Variants in ANKRD6 observed in about 807,000 individuals in gnomAD.
ANKRD6 encodes ankyrin repeat domain-containing protein 6.
A neutral mutation model predicts 82.3 loss-of-function variants in ANKRD6; 56 were observed. The ratio of observed to expected loss-of-function variants is 0.68; its 90% CI spans 0.55 to 0.85. The LOEUF (loss-of-function observed/expected upper bound fraction) is 0.85, where lower values mean the gene tolerates loss of function less well. Among genes scored for constraint, ANKRD6 ranks in the 40% least tolerant of loss-of-function variants. The probability of loss-of-function intolerance (pLI) is 0.00; values close to 1 mark genes in which losing one functional copy is unlikely to be tolerated. For synonymous variants in ANKRD6, 347 were observed against 352.1 expected (o/e 0.99, Z 0.16); for missense variants, 852 against 907.6 (o/e 0.94, Z 0.79).
chr6:89,530,756 G>T (rs547530764), intron 1 of ANKRD6, among the ~76,000 whole-genome samples: 2 of 152,348 alleles, frequency 1.3e-5, no homozygotes, highest in Admixed American at 1.3e-4. Flanking sequence ...TGTTCCGGGA[G>T]AAATGGAGAA....
intron 1 of ANKRD6, among the ~76,000 whole-genome samples, chr6:89,545,898 G>A (rs1057042913): frequency 1.3e-5 from 2 of 152,034 alleles, no homozygotes; most frequent in Non-Finnish European, 2.9e-5. Flanking sequence ...TCTTCCTCTC[G>A]GGTTCACATC....
chr6:89,603,767 C>T (rs536361434), intron 4 of ANKRD6, among the ~76,000 whole-genome samples: 3 of 152,264 alleles, frequency 2.0e-5, no homozygotes, highest in East Asian at 1.9e-4. Flanking sequence ...GGGAGGATTG[C>T]TCGAGGCCAG....
At position 89,542,649 on chromosome 6, in the gene ANKRD6, A is replaced by G. The variant is rs539748293; in HGVS notation, c.-143-24185A>G. 2.6e-5 allele frequency among the ~76,000 whole-genome samples: 4 copies of G among 152,336 alleles called. No individual in the cohort carries two copies. The South Asian group carries it at 8.3e-4, about 32-fold the overall frequency. ...AGCTCTCACCAACTGGTTAATGAGT[A>G]TCTACTCTTTGCAAAACACGGTGAA... On this transcript the variant is annotated intron_variant, in intron 1 of 15. Transcript: ENST00000339746.
intron 2 of ANKRD6, among the ~76,000 whole-genome samples, chr6:89,592,877 C>T (rs1795171272): frequency 6.6e-6 from 1 of 152,076 alleles, no homozygotes; most frequent in Admixed American, 6.5e-5. Context: ...TCACTTGAGA[C>T]CAGCCTGGCC....
At chr6:89,622,113 G>T in intron 10 of ANKRD6, 87 bp downstream of exon 10, 1 of 1,223,110 alleles carries the variant, frequency 8.2e-7, no homozygotes. Context: ...GGTTCACCTG[G>T]TGGCTGCCCG....
At chr6:89,455,211 A>T (rs915342165) in intron 1 of ANKRD6, among the ~76,000 whole-genome samples, 30 of 150,298 alleles carry the variant, frequency 2.0e-4, no homozygotes, top group African/African-American at 7.4e-4. Context: ...TTGCATTGCT[A>T]TACAGAAATA....
At chr6:89,593,690 A>C (rs1422074026) in intron 2 of ANKRD6, among the ~76,000 whole-genome samples, 1 of 152,236 alleles carries the variant, frequency 6.6e-6, no homozygotes, top group East Asian at 1.9e-4. Context: ...TAGAGTATCA[A>C]TAAAGGCCTT....
intron 2 of ANKRD6, among the ~76,000 whole-genome samples, chr6:89,586,073 CAAG>C (rs906236085): frequency 2.6e-5 from 4 of 152,108 alleles, no homozygotes; most frequent in Non-Finnish European, 5.9e-5. Context: ...TCAATAAGAA[CAAG>C]AAACACCAAT....
chr6:89,488,494 G>A (rs763767738), intron 1 of ANKRD6, among the ~76,000 whole-genome samples: 1 of 152,046 alleles, frequency 6.6e-6, no homozygotes, highest in African/African-American at 2.4e-5. Flanking sequence ...TATGAGGGAG[G>A]CATCCAGCTG....
intron 1 of ANKRD6, among the ~76,000 whole-genome samples, chr6:89,536,454 T>C (rs534069565): frequency 3.9e-5 from 6 of 152,364 alleles, no homozygotes; most frequent in African/African-American, 1.4e-4. Context: ...AAGTGTGTGC[T>C]GCCATGAACT....
intron 15 of ANKRD6, 41 bp from the exon 16 acceptor site, chr6:89,630,392 A>T (rs767946274): frequency 2.5e-6 from 4 of 1,576,288 alleles, no homozygotes; most frequent in Non-Finnish European, 3.4e-6. Flanking sequence ...GACTGTGTGA[A>T]TGTGGATTTG....
chr6:89,621,803 C>T, intron 9 of ANKRD6, 119 bp from the exon 10 acceptor site: 2 of 975,798 alleles, frequency 2.0e-6, no homozygotes, highest in Non-Finnish European at 1.6e-6. Context: ...ATGTGAACAC[C>T]TGCTCTCACC....
At chr6:89,556,237 C>G (rs901021373) in intron 1 of ANKRD6, among the ~76,000 whole-genome samples, 2 of 152,252 alleles carry the variant, frequency 1.3e-5, no homozygotes, top group African/African-American at 4.8e-5. Context: ...TCTTCTAACA[C>G]TGACACAACA....
chr6:89,493,809 A>G lies in ANKRD6; in HGVS notation c.-144+60434A>G, dbSNP rs545367865. Among the ~76,000 whole-genome samples, 9 of 152,128 alleles carry G rather than the reference A, an allele frequency of 5.9e-5. No individual in the cohort carries two copies. In the South Asian group the frequency reaches 1.2e-3, roughly 21 times the overall value. On this transcript the variant is annotated intron_variant, in intron 1 of 15. Coordinates refer to ENST00000339746, the MANE Select transcript of ANKRD6 (RefSeq NM_001242809.2). ...TCCTCACAGAATCCTTAATTTAACC[A>G]CATTTCGGGGGGTTATATAAGGTGA...
chr6:89,606,720 G>T (rs1183304863), intron 5 of ANKRD6, among the ~76,000 whole-genome samples: 1 of 152,060 alleles, frequency 6.6e-6, no homozygotes, highest in Non-Finnish European at 1.5e-5. Context: ...TCCGGGAATG[G>T]TGGCTCATGC....
chr6:89,598,189 A>C (rs1340794746), intron 3 of ANKRD6: 1 of 985,346 alleles, frequency 1.0e-6, no homozygotes, highest in Non-Finnish European at 1.2e-6. Flanking sequence ...ACCTGTGGAA[A>C]CCAGTTCTTT....
chr6:89,555,022 C>T (rs893890986), intron 1 of ANKRD6, among the ~76,000 whole-genome samples: 2 of 143,912 alleles, frequency 1.4e-5, no homozygotes, highest in Non-Finnish European at 3.1e-5. Flanking sequence ...TCTCTCTATC[C>T]TCTCCTCCCT....
intron 13 of ANKRD6, among the ~76,000 whole-genome samples, chr6:89,625,606 A>G (rs778356026): frequency 1.3e-5 from 2 of 152,094 alleles, no homozygotes; most frequent in Non-Finnish European, 2.9e-5. Context: ...GGGCATCTCT[A>G]AATATTTCAG....
At chr6:89,444,027 A>G (rs777399669) in intron 1 of ANKRD6, among the ~76,000 whole-genome samples, 12 of 152,236 alleles carry the variant, frequency 7.9e-5, no homozygotes, top group Non-Finnish European at 1.6e-4. Flanking sequence ...GTTGATGCTA[A>G]GAGAAAACAA....
Sources: gnomAD v4.1 joint callset for allele counts (sites outside exome capture counted in the v4.1 genomes callset) on GRCh38, gnomAD v4.1.1 for gene constraint, MANE v1.5 for transcripts, NCBI Gene and HGNC (gene_info 2026-07-23, HGNC 2026-07-21) for gene names.